The following ESRP1 variants were observed in gnomAD, a reference collection of about 807,000 sequenced individuals.
The protein encoded by ESRP1 is epithelial splicing regulatory protein 1, also known as RNA-binding motif protein 35A.
In ESRP1, 33 loss-of-function variants were observed where a neutral mutation model predicts 81.7. The observed-to-expected ratio is 0.40, with a 90% CI of 0.31 to 0.54. The LOEUF (loss-of-function observed/expected upper bound fraction) is 0.54, where lower values mean the gene tolerates loss of function less well. ESRP1 is among the 20% of genes least tolerant of loss of function. The pLI is 0.41. For missense variants in ESRP1, 672 were observed against 833.1 expected, an observed-to-expected ratio of 0.81 and a Z score of 2.38; for synonymous variants, 320 against 303.3, an observed-to-expected ratio of 1.06 and a Z score of -0.57.
chr8:94,667,320 C>T (rs931713697), intron 9 of ESRP1, among the ~76,000 whole-genome samples: 2 of 151,476 alleles, frequency 1.3e-5, no homozygotes, highest in Admixed American at 1.3e-4. Context: ...TGCTATATGA[C>T]AACACTGTAC....
At chr8:94,649,246 T>C (rs774338218) in intron 4 of ESRP1, among the ~76,000 whole-genome samples, 2 of 152,210 alleles carry the variant, frequency 1.3e-5, no homozygotes, top group Non-Finnish European at 2.9e-5. Flanking sequence ...TGGGTCCTCA[T>C]ATTTTGCCCT....
At chr8:94,695,557 T>TGCTGGCCAG (rs558010423) in intron 14 of ESRP1, among the ~76,000 whole-genome samples, 8 of 151,438 alleles carry the variant, frequency 5.3e-5, no homozygotes, top group Admixed American at 5.3e-4. Context: ...GGTTTTACCA[T>TGCTGGCCAG]GCTGGCCAGG....
At chr8:94,656,660 A>G (rs1287296359) in intron 4 of ESRP1, among the ~76,000 whole-genome samples, 10 of 152,202 alleles carry the variant, frequency 6.6e-5, no homozygotes, top group Non-Finnish European at 1.0e-4. Context: ...TAGCATAGGT[A>G]TTATAAGTCT....
At chr8:94,662,149 A>T in intron 4 of ESRP1, 123 bp from the exon 5 acceptor site, 1 of 610,456 alleles carries the variant, frequency 1.6e-6, no homozygotes, top group Non-Finnish European at 2.8e-6. Flanking sequence ...AGCCATTCTG[A>T]GATTTCTAAA....
chr8:94,655,163 C>T (rs1203893474), intron 4 of ESRP1, among the ~76,000 whole-genome samples: 1 of 151,488 alleles, frequency 6.6e-6, no homozygotes, highest in East Asian at 1.9e-4. Flanking sequence ...GATCTCAGCT[C>T]ATTGTGACCT....
At chr8:94,703,441 C>A (rs893609910) in intron 15 of ESRP1, among the ~76,000 whole-genome samples, 7 of 152,286 alleles carry the variant, frequency 4.6e-5, no homozygotes, top group Non-Finnish European at 7.3e-5. Context: ...TAAACCATCG[C>A]TCCTGGCCTC....
chr8:94,699,418 A>AG (rs1809728341), intron 15 of ESRP1, among the ~76,000 whole-genome samples: 1 of 151,980 alleles, frequency 6.6e-6, no homozygotes, highest in South Asian at 2.1e-4. Context: ...AGGTGGGCAG[A>AG]TCACTTAAGC....
At position 94,700,937 on chromosome 8, in the gene ESRP1, ATGTGTGTGTGTGTGTATG is replaced by A. The variant is rs1042056838; in HGVS notation, c.*35+3992_*35+4009del. On this transcript the variant is annotated intron_variant, in intron 15 of 15. Transcript: ENST00000433389. Reference sequence around the variant, plus strand: ...GAGCAAGACTCCGACTCAAAAAAAAATGTGTGTGTGTGTGTATGTGTGTGTGTGTGTGTGTGTGTGTGT... The same window carrying A: ...GAGCAAGACTCCGACTCAAAAAAAAATGTGTGTGTGTGTGTGTGTGTGTGT... Among the ~76,000 whole-genome samples, 21 of 125,836 alleles carry A rather than the reference ATGTGTGTGTGTGTGTATG, an allele frequency of 1.7e-4. No individual in the cohort carries two copies. In the South Asian group the frequency reaches 4.0e-3, roughly 24 times the overall value. The allele number at this position is 125,836 out of a possible 152,430, so 82.6% of individuals were successfully genotyped here. A position where few individuals can be genotyped will look rare whatever the true frequency, so the allele number is the denominator to read the frequency against.
At chr8:94,686,066 G>A (rs556312253) in intron 13 of ESRP1, among the ~76,000 whole-genome samples, 22 of 152,118 alleles carry the variant, frequency 1.4e-4, no homozygotes, top group Non-Finnish European at 2.1e-4. Flanking sequence ...TCTTGCCTCC[G>A]TCTCCTGAGG....
chr8:94,653,712 G>A (rs895632069), intron 4 of ESRP1, among the ~76,000 whole-genome samples: 3 of 152,090 alleles, frequency 2.0e-5, no homozygotes, highest in Non-Finnish European at 4.4e-5. Context: ...AATGAGCTGG[G>A]GCTTTATAAT....
chr8:94,690,627 T>C (rs1171990869), intron 13 of ESRP1, among the ~76,000 whole-genome samples: 1 of 152,198 alleles, frequency 6.6e-6, no homozygotes, highest in East Asian at 1.9e-4. Flanking sequence ...ATAATTGTCA[T>C]TTATAAGCTT....
At chr8:94,662,183 C>T (rs1818781522) in intron 4 of ESRP1, 89 bp from the exon 5 acceptor site, 1 of 760,256 alleles carries the variant, frequency 1.3e-6, no homozygotes. Flanking sequence ...GATCCATCTT[C>T]TTCCTCTTGG....
intron 4 of ESRP1, 96 bp downstream of exon 4, chr8:94,646,378 A>G (rs1474664535): frequency 7.2e-6 from 6 of 827,980 alleles, no homozygotes; most frequent in Non-Finnish European, 1.1e-5. Context: ...TTGTCAGCAT[A>G]TGGATAAAAT....
Position 94,694,900 on chromosome 8 carries a change from C to T in ESRP1, c.1972-1952C>T, listed in dbSNP as rs1344346511. ...GAACTGGAGCAGTGAGTTAGGATTA[C>T]ATAGGAACTTCGGTTATCTAATTCA... On this transcript the variant is annotated intron_variant, in intron 14 of 15. Coordinates refer to ENST00000433389, the MANE Select transcript of ESRP1 (RefSeq NM_017697.4). Among the ~76,000 whole-genome samples the T allele has an allele frequency of 4.6e-5, 7 of 152,320 alleles. No homozygotes were observed. In the East Asian group the frequency reaches 9.6e-4, roughly 21 times the overall value.
intron 11 of ESRP1, 28 bp from the exon 12 acceptor site, chr8:94,674,280 T>G (rs1819482481): frequency 6.2e-7 from 1 of 1,601,104 alleles, no homozygotes; most frequent in Middle Eastern, 1.7e-4. Context: ...AGTCTCCTTT[T>G]GTTTTTATTC....
At chr8:94,672,803 G>T (rs902891413) in intron 11 of ESRP1, among the ~76,000 whole-genome samples, 19 of 152,372 alleles carry the variant, frequency 1.2e-4, no homozygotes, top group African/African-American at 4.6e-4. Context: ...AAAGTGCTGG[G>T]ATTACAGGCG....
intron 2 of ESRP1, among the ~76,000 whole-genome samples, chr8:94,642,526 G>C (rs747905672): frequency 6.6e-6 from 1 of 152,222 alleles, no homozygotes; most frequent in Non-Finnish European, 1.5e-5. Flanking sequence ...AAGTAGCACT[G>C]TGGGTTGGAA....
intron 9 of ESRP1, 33 bp from the exon 10 acceptor site, chr8:94,667,916 C>A (rs1052402983): frequency 6.6e-6 from 10 of 1,516,042 alleles, no homozygotes; most frequent in South Asian, 1.3e-5. Flanking sequence ...TTAACTATTT[C>A]TCTCCCTGCT....
intron 14 of ESRP1, among the ~76,000 whole-genome samples, chr8:94,695,371 T>TTTA (rs1351009238): frequency 8.9e-6 from 1 of 112,020 alleles, no homozygotes; most frequent in Non-Finnish European, 1.7e-5. Flanking sequence ...TTTTTTTTTT[T>TTTA]TGAGACGGAG....
Sources: gnomAD v4.1 joint callset for allele counts (sites outside exome capture counted in the v4.1 genomes callset) on GRCh38, gnomAD v4.1.1 for gene constraint, MANE v1.5 for transcripts, NCBI Gene and HGNC (gene_info 2026-07-23, HGNC 2026-07-21) for gene names.